ADIPOR2: variants seen among roughly 807,000 people sequenced by gnomAD.
The protein encoded by ADIPOR2 is adiponectin receptor 2.
In ADIPOR2, 18 loss-of-function variants were observed where a neutral mutation model predicts 40.9. The observed-to-expected ratio is 0.44, with a 90% CI of 0.30 to 0.65. The LOEUF (loss-of-function observed/expected upper bound fraction) is 0.65. Among genes scored for constraint, ADIPOR2 ranks in the 30% least tolerant of loss-of-function variants. The probability of loss-of-function intolerance (pLI) is 0.09; values close to 1 mark genes in which losing one functional copy is unlikely to be tolerated. For synonymous variants in ADIPOR2, 165 were observed against 166.4 expected (o/e 0.99, Z 0.06); for missense variants, 283 against 479.2 (o/e 0.59, Z 3.82).
chr12:1,757,671 T>C, intron 2 of ADIPOR2: 7 of 1,290,392 alleles, frequency 5.4e-6, no homozygotes, highest in Non-Finnish European at 7.9e-6. Context: ...CCTCCTCAGG[T>C]GTAATAGGAT....
chr12:1,721,050 A>G (rs1030843404), intron 1 of ADIPOR2, among the ~76,000 whole-genome samples: 2 of 152,102 alleles, frequency 1.3e-5, no homozygotes, highest in African/African-American at 4.8e-5. Context: ...TTTCCAGACC[A>G]AACCAATGTA....
intron 1 of ADIPOR2, among the ~76,000 whole-genome samples, chr12:1,699,190 G>T (rs555527014): frequency 6.6e-6 from 1 of 152,176 alleles, no homozygotes; most frequent in African/African-American, 2.4e-5. Flanking sequence ...CCGGTATATA[G>T]CAGGTGGTAA....
chr12:1,696,612 T>G (rs2094639505), intron 1 of ADIPOR2: 1 of 152,290 alleles, frequency 6.6e-6, no homozygotes, highest in African/African-American at 2.4e-5. Context: ...TCCAGGCTGG[T>G]CTTGAACTCC....
At chr12:1,716,185 G>A (rs1222651930) in intron 1 of ADIPOR2, among the ~76,000 whole-genome samples, 1 of 152,210 alleles carries the variant, frequency 6.6e-6, no homozygotes, top group Non-Finnish European at 1.5e-5. Flanking sequence ...TGGTTTTGAC[G>A]ACTTTACTAT....
intron 1 of ADIPOR2, chr12:1,696,634 G>A (rs531050463): frequency 2.6e-5 from 4 of 152,272 alleles, no homozygotes; most frequent in East Asian, 1.9e-4. Flanking sequence ...GGCCTCGAGC[G>A]ATCCTCCTCC....
At chr12:1,726,678 T>A (rs986995572) in intron 1 of ADIPOR2, among the ~76,000 whole-genome samples, 5 of 150,760 alleles carry the variant, frequency 3.3e-5, no homozygotes, top group African/African-American at 4.9e-5. Flanking sequence ...CTTTTTTTTT[T>A]AAAGGATTTT....
rs551373594 is a variant in ADIPOR2 at position 1,716,079 on chromosome 12, C to T, written c.-87+24888C>T. On this transcript the variant is annotated intron_variant, in intron 1 of 7. Coordinates refer to ENST00000357103, the MANE Select transcript of ADIPOR2 (RefSeq NM_024551.3). ...CCTTTAAGAGCTGTAACACTCACCA[C>T]GAAGTTCTGCGGCTTCATTCTTGAA... Among the ~76,000 whole-genome samples the T allele has an allele frequency of 2.3e-3, 355 of 152,270 alleles. 2 individuals carry two copies. The highest frequency in any genetic ancestry group is 8.2e-3 in the African/African-American group (339 of 41,522).
intron 1 of ADIPOR2, among the ~76,000 whole-genome samples, chr12:1,740,404 G>A (rs2094740188): frequency 6.6e-6 from 1 of 152,136 alleles, no homozygotes; most frequent in Admixed American, 6.6e-5. Flanking sequence ...TGCAATTGTT[G>A]CCTTCTCTCT....
intron 4 of ADIPOR2, 26 bp downstream of exon 4, chr12:1,778,051 G>A: frequency 6.3e-7 from 1 of 1,589,824 alleles, no homozygotes. Flanking sequence ...GATGTAATGA[G>A]CTGGTGATTC....
In ADIPOR2 at chr12:1,723,984, CTT is replaced by C. The variant is rs755722890; in HGVS notation, c.-86-30262_-86-30261del. Among the ~76,000 whole-genome samples the C allele has an allele frequency of 4.2e-4, 61 of 144,194 alleles. No homozygotes were observed. In the Admixed American group the frequency reaches 4.2e-3, roughly 10 times the overall value. The allele number at this position is 144,194 out of a possible 152,430, so 94.6% of individuals were successfully genotyped here. The stretch of plus-strand genomic sequence containing the variant: ...TACTGGTATACATACAAAATGGAAT[CTT>C]TTTTTTTTTTTGGGAGACAGAGTCT... On this transcript the variant is annotated intron_variant, in intron 1 of 7. Coordinates refer to ENST00000357103, the MANE Select transcript of ADIPOR2 (RefSeq NM_024551.3).
chr12:1,745,747 A>G (rs1325940664), intron 1 of ADIPOR2, among the ~76,000 whole-genome samples: 2 of 152,116 alleles, frequency 1.3e-5, no homozygotes, highest in Admixed American at 6.5e-5. Context: ...TCTTGCTTCA[A>G]TTTTAGCAGA....
chr12:1,735,909 G>A (rs529292701), intron 1 of ADIPOR2, among the ~76,000 whole-genome samples: 12 of 152,242 alleles, frequency 7.9e-5, no homozygotes, highest in Middle Eastern at 6.8e-3. Flanking sequence ...ATTGATTTGC[G>A]TATGTTGAAC....
At chr12:1,746,485 C>CAAAAACA (rs573278225) in intron 1 of ADIPOR2, among the ~76,000 whole-genome samples, 3 of 150,832 alleles carry the variant, frequency 2.0e-5, no homozygotes, top group Non-Finnish European at 4.4e-5. Context: ...AAGACTGCCT[C>CAAAAACA]AAAAACAAAA....
intron 1 of ADIPOR2, among the ~76,000 whole-genome samples, chr12:1,720,080 A>G (rs1023008211): frequency 5.3e-5 from 8 of 152,218 alleles, no homozygotes; most frequent in Non-Finnish European, 8.8e-5. Context: ...GAAGACAGGC[A>G]TGTAAACAGA....
chr12:1,757,591 C>T (rs1334207505), intron 2 of ADIPOR2: 23 of 1,177,600 alleles, frequency 2.0e-5, no homozygotes, highest in African/African-American at 1.0e-4. Context: ...CGGATGGTGC[C>T]GGGCATCATG....
At chr12:1,699,639 G>A (rs892085326) in intron 1 of ADIPOR2, among the ~76,000 whole-genome samples, 9 of 152,102 alleles carry the variant, frequency 5.9e-5, no homozygotes, top group African/African-American at 1.9e-4. Flanking sequence ...CAACAAGAGC[G>A]AAACTCCGTC....
chr12:1,758,685 C>G (rs770328584), intron 2 of ADIPOR2, among the ~76,000 whole-genome samples: 6 of 152,136 alleles, frequency 3.9e-5, no homozygotes, highest in Non-Finnish European at 8.8e-5. Context: ...ATATTGATAT[C>G]TTCACATGAT....
intron 6 of ADIPOR2, among the ~76,000 whole-genome samples, chr12:1,781,988 GT>G (rs1221088152): frequency 6.6e-6 from 1 of 152,222 alleles, no homozygotes; most frequent in African/African-American, 2.4e-5. Context: ...AGATAAGAAT[GT>G]CTTTGCTGAG....
At chr12:1,707,370 C>G (rs1565631810) in intron 1 of ADIPOR2, among the ~76,000 whole-genome samples, 2 of 151,822 alleles carry the variant, frequency 1.3e-5, no homozygotes, top group African/African-American at 4.8e-5. Context: ...TTTTATCTTC[C>G]TGTAATCTCA....
Sources: gnomAD v4.1 joint callset for allele counts (sites outside exome capture counted in the v4.1 genomes callset) on GRCh38, gnomAD v4.1.1 for gene constraint, MANE v1.5 for transcripts, NCBI Gene and HGNC (gene_info 2026-07-23, HGNC 2026-07-21) for gene names.